EHMT1: variants seen among roughly 807,000 people sequenced by gnomAD.
EHMT1 encodes histone-lysine N-methyltransferase EHMT1.
Under a neutral mutation model 147.2 loss-of-function variants are expected in EHMT1, and 15 were observed. The ratio of observed to expected loss-of-function variants is 0.10; its 90% CI spans 0.07 to 0.16. The LOEUF (loss-of-function observed/expected upper bound fraction) is 0.16, where lower values mean the gene tolerates loss of function less well. Ranked by LOEUF, EHMT1 falls within the 10% of genes least tolerant of loss-of-function variation. The pLI is 1.00. For missense variants in EHMT1, 1,587 were observed against 1,772.4 expected, an observed-to-expected ratio of 0.90 and a Z score of 1.88; for synonymous variants, 795 against 709.6, an observed-to-expected ratio of 1.12 and a Z score of -1.91.
At chr9:137,755,129 G>A (rs1949280412) in intron 8 of EHMT1, among the ~76,000 whole-genome samples, 1 of 151,856 alleles carries the variant, frequency 6.6e-6, no homozygotes, top group Non-Finnish European at 1.5e-5. Flanking sequence ...TACACAATTT[G>A]ACAAGTTTTA....
chr9:137,816,486 G>C, intron 23 of EHMT1: 1 of 314,946 alleles, frequency 3.2e-6, no homozygotes, highest in Non-Finnish European at 6.2e-6. Context: ...ACGCTTCTCA[G>C]GCTGCGTGGA....
chr9:137,795,801 T>C (rs1952893073), intron 16 of EHMT1, among the ~76,000 whole-genome samples: 1 of 151,954 alleles, frequency 6.6e-6, no homozygotes, highest in Non-Finnish European at 1.5e-5. Context: ...TGGTACAGTA[T>C]TAATCTAAGA....
intron 1 of EHMT1, among the ~76,000 whole-genome samples, chr9:137,709,321 G>T (rs561842207): frequency 5.0e-4 from 76 of 152,316 alleles, no homozygotes; most frequent in Admixed American, 1.4e-3. Context: ...GCATGTTCGA[G>T]GGCTGGCCAT....
In EHMT1 at chr9:137,784,368, G is replaced by A. The variant is rs532569395; in HGVS notation, c.2382+1971G>A. On this transcript the variant is annotated intron_variant, in intron 15 of 26. Transcript: ENST00000460843. Reference sequence around the variant, plus strand: ...AAACCTCATTGGGGCCCCCAGCCCCGGTAAATAAATTGCATTCAGACCATA... The same window carrying A: ...AAACCTCATTGGGGCCCCCAGCCCCAGTAAATAAATTGCATTCAGACCATA... 31 of 1,267,192 alleles carry A rather than the reference G, an allele frequency of 2.4e-5. No individual in the cohort carries two copies. In the East Asian group the frequency reaches 2.7e-4, roughly 11 times the overall value. The allele number at this position is 1,267,192 out of a possible 1,614,324, so 78.5% of individuals were successfully genotyped here.
rs185055557 is a variant in EHMT1 at position 137,780,964 on chromosome 9, T to G, written c.2275+1247T>G. On this transcript the variant is annotated intron_variant, in intron 14 of 26. Transcript: ENST00000460843. ...TCACTGAGATGTGTGGTGATGACGCTGAGACGTGTGGTGATGACGCTGGGA... is the reference window on the plus strand; with the variant it reads ...TCACTGAGATGTGTGGTGATGACGCGGAGACGTGTGGTGATGACGCTGGGA... 1.6e-3 allele frequency among the ~76,000 whole-genome samples: 101 copies of G among 61,324 alleles called. 8 individuals carry two copies. The highest frequency in any genetic ancestry group is 4.7e-3 in the African/African-American group (96 of 20,510). The allele number at this position is 61,324 out of a possible 152,430, so 40.2% of individuals were successfully genotyped here. A position where few individuals can be genotyped will look rare whatever the true frequency, so the allele number is the denominator to read the frequency against.
At chr9:137,689,104 A>G (rs1942714791) in intron 1 of EHMT1, among the ~76,000 whole-genome samples, 1 of 152,146 alleles carries the variant, frequency 6.6e-6, no homozygotes, top group African/African-American at 2.4e-5. Context: ...GATTGTGACT[A>G]CTTGTTCTCC....
At chr9:137,662,795 TA>T (rs1268246519) in intron 1 of EHMT1, among the ~76,000 whole-genome samples, 2,684 of 147,874 alleles carry the variant, frequency 0.018, 59 homozygotes, top group African/African-American at 0.04. Flanking sequence ...TTTATTTATT[TA>T]TTTATTTATT....
chr9:137,776,569 T>C lies in EHMT1; in HGVS notation c.1792-49T>C, dbSNP rs1041684378. On this transcript the variant is annotated intron_variant, in intron 11 of 26. Transcript: ENST00000460843. The surrounding 1 kb of genome is among the most constrained non-coding windows in gnomAD (Gnocchi z 4.4). ...TTTAGTAGTACTTTATTTTTCTAAATATTAACCCCAATTAAAACAAAAATT... is the reference window on the plus strand; with the variant it reads ...TTTAGTAGTACTTTATTTTTCTAAACATTAACCCCAATTAAAACAAAAATT... The C allele has an allele frequency of 1.9e-6, 3 of 1,592,690 alleles. No homozygotes were observed. The highest frequency in any genetic ancestry group is 2.6e-6 in the Non-Finnish European group (3 of 1,162,096).
chr9:137,814,232 C>A, intron 21 of EHMT1, 199 bp from the exon 22 acceptor site: 1 of 663,774 alleles, frequency 1.5e-6, no homozygotes, highest in Non-Finnish European at 2.7e-6. Context: ...GGGTCCTCAG[C>A]CAGAGCTCCC....
intron 25 of EHMT1, among the ~76,000 whole-genome samples, chr9:137,825,872 C>T (rs1955779648): frequency 1.3e-5 from 2 of 152,080 alleles, no homozygotes. Flanking sequence ...GAGGCGTGGC[C>T]TTTCAGGACT....
chr9:137,790,765 G>A (rs1445468763), intron 15 of EHMT1, 83 bp from the exon 16 acceptor site: 1 of 1,599,744 alleles, frequency 6.3e-7, no homozygotes, highest in Non-Finnish European at 8.6e-7. Context: ...CTTTTTTTGA[G>A]TGTGGAAGCT....
At chr9:137,810,285 C>CCTCGTGGACTG (rs1954351503) in intron 18 of EHMT1, among the ~76,000 whole-genome samples, 7 of 151,998 alleles carry the variant, frequency 4.6e-5, no homozygotes, top group African/African-American at 1.5e-4. Flanking sequence ...CGATGCCGCC[C>CCTCGTGGACTG]TGCGTGAAAG....
In EHMT1 at chr9:137,804,775, C is replaced by CT. The variant is rs886292917; in HGVS notation, c.2712+3802dup. Among the ~76,000 whole-genome samples, 735 of 146,388 alleles carry CT rather than the reference C, an allele frequency of 5.0e-3. 4 individuals are homozygous for CT. Among genetic ancestry groups the CT allele is most frequent in the African/African-American group, 0.016 (660 of 40,166 alleles). ...TATGTGGTGTGAGGTATGGATTGAA[C>CT]TTTTTTTTTTTGGCTTATGGATGCC... On this transcript the variant is annotated intron_variant, in intron 18 of 26. Transcript: ENST00000460843.
In EHMT1 at chr9:137,716,769, G is replaced by C. The variant is rs768764806; in HGVS notation, c.229G>C (p.Ala77Pro). The C allele has an allele frequency of 6.2e-7, 1 of 1,613,004 alleles. No homozygotes were observed. The change falls in exon 3 of 27, where the codon GCA (alanine) becomes CCA (proline). Residue 77 changes from alanine to proline, a missense_variant. Around this residue, in one of 7 missense-constraint regions of EHMT1, gnomAD observed 810 missense variants for 673.0 expected, o/e 1.20. Transcript: ENST00000460843. ...TGCTGCAAAGCACACTCAGGACAGC[G>C]CAAGGGTCAACCCCCAGGATGGCAC... ...ANAAKHTQDS[A>P]RVNPQDGTNT...
chr9:137,708,924 C>T (rs1944465174), intron 1 of EHMT1, among the ~76,000 whole-genome samples: 2 of 152,224 alleles, frequency 1.3e-5, no homozygotes, highest in African/African-American at 4.8e-5. Flanking sequence ...CTGTGCCTGG[C>T]CTGCTGCCTG....
chr9:137,629,399 T>C (rs1262203932), intron 1 of EHMT1, among the ~76,000 whole-genome samples: 4 of 149,296 alleles, frequency 2.7e-5, no homozygotes, highest in Non-Finnish European at 5.9e-5. Flanking sequence ...GCCAGTTTTT[T>C]TGTTGTTGTT....
intron 10 of EHMT1, chr9:137,763,263 A>G (rs1013687685): frequency 3.6e-5 from 12 of 336,602 alleles, no homozygotes; most frequent in Non-Finnish European, 6.2e-5. Context: ...ACAGACTCAG[A>G]GGGTTCAGCA....
intron 1 of EHMT1, among the ~76,000 whole-genome samples, chr9:137,681,307 A>C (rs1423328564): frequency 6.6e-6 from 1 of 152,188 alleles, no homozygotes; most frequent in Non-Finnish European, 1.5e-5. Flanking sequence ...TGCAGGGGTT[A>C]CTTTGGAACC....
chr9:137,750,758 C>A (rs1160821151), intron 6 of EHMT1, among the ~76,000 whole-genome samples: 1 of 152,134 alleles, frequency 6.6e-6, no homozygotes. Context: ...GACGTGGCTG[C>A]CGGAGGGGGC....
Sources: gnomAD v4.1 joint callset for allele counts (sites outside exome capture counted in the v4.1 genomes callset) on GRCh38, gnomAD v4.1.1 for gene constraint, gnomAD v4.1.1 regional missense constraint, Gnocchi (gnomAD v3.1) non-coding constraint, MANE v1.5 for transcripts, NCBI Gene and HGNC (gene_info 2026-07-23, HGNC 2026-07-21) for gene names.